CDH2: variants seen among roughly 807,000 people sequenced by gnomAD.
CDH2 encodes cadherin-2.
In CDH2, 17 loss-of-function variants were observed where a neutral mutation model predicts 92.0. The ratio of observed to expected loss-of-function variants is 0.18; its 90% CI spans 0.13 to 0.28. The LOEUF is 0.28. CDH2 is among the 10% of genes least tolerant of loss of function. CDH2 has a pLI of 1.00. For missense variants in CDH2, 862 were observed against 1,133.1 expected (o/e 0.76, Z 3.44); for synonymous variants, 419 against 415.9 (o/e 1.01, Z -0.09).
At chr18:28,167,462 G>C (rs2016402953) in intron 1 of CDH2, among the ~76,000 whole-genome samples, 1 of 151,948 alleles carries the variant, frequency 6.6e-6, no homozygotes, top group Admixed American at 6.6e-5. Context: ...CTAATTTTGT[G>C]ACAATTACAA....
At chr18:28,151,648 A>G (rs1393834391) in intron 1 of CDH2, among the ~76,000 whole-genome samples, 1 of 152,208 alleles carries the variant, frequency 6.6e-6, no homozygotes, top group Non-Finnish European at 1.5e-5. Context: ...TTACTCCCAC[A>G]TAAAGTCATC....
chr18:28,006,336 T>C (rs1482764300), intron 5 of CDH2, among the ~76,000 whole-genome samples: 1 of 152,178 alleles, frequency 6.6e-6, no homozygotes, highest in Non-Finnish European at 1.5e-5. Context: ...CTGTCTCTGC[T>C]GACAGGACTT....
intron 2 of CDH2, among the ~76,000 whole-genome samples, chr18:28,018,836 A>C (rs1333839310): frequency 1.3e-5 from 2 of 151,428 alleles, no homozygotes; most frequent in Non-Finnish European, 2.9e-5. Flanking sequence ...CCAGAGGAAA[A>C]GAAGTCATTA....
At chr18:28,045,427 C>T in intron 2 of CDH2, 1 of 468,938 alleles carries the variant, frequency 2.1e-6, no homozygotes, top group Non-Finnish European at 4.4e-6. Context: ...GAGTGTTACA[C>T]ATGTCCTTCA....
chr18:27,943,598 C>T (rs947032154), intron 6 of CDH2, among the ~76,000 whole-genome samples: 1 of 152,070 alleles, frequency 6.6e-6, no homozygotes, highest in Non-Finnish European at 1.5e-5. Context: ...GTCTATAAGA[C>T]GTGATGAAGT....
In CDH2 at chr18:28,177,114, C is replaced by T. The variant is rs2016561563; in HGVS notation, c.-92G>A. On this transcript the variant is annotated 5_prime_UTR_variant, in exon 1 of 16. Coordinates refer to ENST00000269141, the MANE Select transcript of CDH2 (RefSeq NM_001792.5). ...GAGGAGGCAGCGGCAGCACCAACAGCGGCGCGGAGAAACGGCTCCAGGCAG... is the reference window on the plus strand; with the variant it reads ...GAGGAGGCAGCGGCAGCACCAACAGTGGCGCGGAGAAACGGCTCCAGGCAG... The T allele has an allele frequency of 1.1e-6, 1 of 945,928 alleles. No homozygotes were observed. Among genetic ancestry groups the T allele is most frequent in the Non-Finnish European group, 1.5e-6 (1 of 653,132 alleles). The allele number at this position is 945,928 out of a possible 1,614,324, so 58.6% of individuals were successfully genotyped here.
intron 2 of CDH2, among the ~76,000 whole-genome samples, chr18:28,033,776 T>C (rs2013757265): frequency 6.6e-6 from 1 of 152,128 alleles, no homozygotes; most frequent in Non-Finnish European, 1.5e-5. Flanking sequence ...TCATGCCTTG[T>C]ATAAATTATA....
intron 5 of CDH2, among the ~76,000 whole-genome samples, chr18:28,006,766 G>A (rs1030327372): frequency 6.7e-5 from 10 of 149,310 alleles, no homozygotes; most frequent in Admixed American, 2.0e-4. Flanking sequence ...AGTAGTGATA[G>A]AGATCAAGGC....
At chr18:28,056,764 A>C (rs567705130) in intron 2 of CDH2, among the ~76,000 whole-genome samples, 1 of 152,150 alleles carries the variant, frequency 6.6e-6, no homozygotes, top group South Asian at 2.1e-4. Context: ...AGTCCCTGAA[A>C]CCCTCCAAAA....
intron 3 of CDH2, among the ~76,000 whole-genome samples, chr18:28,012,237 C>T (rs1219626122): frequency 6.6e-6 from 1 of 152,114 alleles, no homozygotes; most frequent in African/African-American, 2.4e-5. Flanking sequence ...GCTGTGTAAA[C>T]TATTTGCAGT....
chr18:27,950,339 T>C (rs530611988), downstream of CDH2, among the ~76,000 whole-genome samples: 12 of 152,270 alleles, frequency 7.9e-5, no homozygotes, highest in Admixed American at 7.9e-4. Flanking sequence ...TTCCTTTGCC[T>C]CTTAAAATTC....
At chr18:28,172,076 G>GGT (rs34158369) in intron 1 of CDH2, among the ~76,000 whole-genome samples, 9,092 of 146,380 alleles carry the variant, frequency 0.062, 422 homozygotes, top group African/African-American at 0.13. Context: ...ATACATTTGG[G>GGT]GTGTGTGTGT....
chr18:28,111,375 A>G (rs1315023916), intron 2 of CDH2, among the ~76,000 whole-genome samples: 1 of 152,260 alleles, frequency 6.6e-6, no homozygotes, highest in Non-Finnish European at 1.5e-5. Flanking sequence ...ATTAGTTAGC[A>G]TAACTTTGGA....
At chr18:28,144,880 A>T (rs2016011211) in intron 2 of CDH2, among the ~76,000 whole-genome samples, 1 of 152,092 alleles carries the variant, frequency 6.6e-6, no homozygotes, top group Admixed American at 6.6e-5. Context: ...TAGTTCTTTG[A>T]GTTTGTTATT....
chr18:28,110,295 C>T (rs1386250303), intron 2 of CDH2, among the ~76,000 whole-genome samples: 4 of 152,228 alleles, frequency 2.6e-5, no homozygotes, highest in Non-Finnish European at 5.9e-5. Flanking sequence ...CTGTCAGCCA[C>T]ATGCTTTCAC....
intron 6 of CDH2, among the ~76,000 whole-genome samples, chr18:27,936,269 T>C (rs1444157339): frequency 6.6e-6 from 1 of 152,160 alleles, no homozygotes; most frequent in East Asian, 1.9e-4. Flanking sequence ...TTAAATTAAA[T>C]AGACAAGCAG....
intron 2 of CDH2, among the ~76,000 whole-genome samples, chr18:28,025,215 G>GA (rs1264964104): frequency 1.3e-5 from 2 of 152,062 alleles, no homozygotes; most frequent in Admixed American, 1.3e-4. Flanking sequence ...GTCTTATTCA[G>GA]AAAAATAACA....
intron 2 of CDH2, among the ~76,000 whole-genome samples, chr18:28,060,387 A>C (rs1366927571): frequency 6.6e-6 from 1 of 152,078 alleles, no homozygotes; most frequent in East Asian, 1.9e-4. Context: ...AGGTTTCACC[A>C]TGTTGGTCAG....
intron 2 of CDH2, among the ~76,000 whole-genome samples, chr18:28,023,446 C>T (rs1442422600): frequency 6.6e-6 from 1 of 152,124 alleles, no homozygotes; most frequent in Non-Finnish European, 1.5e-5. Flanking sequence ...GCTTCAGCCT[C>T]CCAAGTAGCT....
Sources: allele counts gnomAD v4.1 joint callset (sites outside exome capture counted in the v4.1 genomes callset), GRCh38; gene constraint gnomAD v4.1.1; transcripts MANE v1.5; gene names NCBI Gene and HGNC (gene_info 2026-07-23, HGNC 2026-07-21).